PAK2: variants seen among roughly 807,000 people sequenced by gnomAD.
PAK2 encodes the protein serine/threonine-protein kinase PAK 2.
PAK2 carries 21 observed loss-of-function variants against 65.9 expected under a neutral mutation model. The observed-to-expected ratio is 0.32, with a 90% confidence interval of 0.23 to 0.46. PAK2 has a LOEUF of 0.46. Among genes scored for constraint, PAK2 ranks in the 20% least tolerant of loss-of-function variants. PAK2 has a pLI of 1.00. For synonymous variants in PAK2, 204 were observed against 219.7 expected, an observed-to-expected ratio of 0.93 and a Z score of 0.63; for missense variants, 324 against 642.6, an observed-to-expected ratio of 0.50 and a Z score of 5.36.
chr3:196,796,007 C>T (rs937801833), intron 2 of PAK2, among the ~76,000 whole-genome samples: 1 of 152,238 alleles, frequency 6.6e-6, no homozygotes, highest in African/African-American at 2.4e-5. Context: ...AAGCGCACAA[C>T]CTGGATCCCT....
chr3:196,745,004 C>A (rs1410002639), intron 1 of PAK2, among the ~76,000 whole-genome samples: 2 of 151,890 alleles, frequency 1.3e-5, no homozygotes, highest in Non-Finnish European at 2.9e-5. Flanking sequence ...AAGCTCTTCA[C>A]ATGTAATAGA....
In PAK2 at chr3:196,806,047, G is replaced by T. The variant is rs961175223; in HGVS notation, c.469-532G>T. On this transcript the variant is annotated intron_variant, in intron 5 of 14. Transcript: ENST00000327134. ...CTGCCTCAGCCTCCCGAGTAGCTGG[G>T]ACTACAGGCGCCTGCCACCACGACC... Among the ~76,000 whole-genome samples, 10 of 152,034 alleles carry T rather than the reference G, an allele frequency of 6.6e-5. 1 individual carries two copies. In the South Asian group the frequency reaches 2.1e-3, roughly 32 times the overall value.
intron 12 of PAK2, among the ~76,000 whole-genome samples, chr3:196,818,388 ATGTCT>A (rs905054814): frequency 2.0e-5 from 3 of 152,176 alleles, no homozygotes; most frequent in South Asian, 2.1e-4. Context: ...TTATTAGGTA[ATGTCT>A]TGTCTTGTCT....
intron 8 of PAK2, among the ~76,000 whole-genome samples, chr3:196,811,214 TCCCTCCCTCCCTTC>T (rs1560113551): frequency 7.4e-5 from 2 of 27,000 alleles, no homozygotes; most frequent in African/African-American, 2.2e-4. Context: ...TTCCTTCCCT[TCCCTCCCTCCCTTC>T]CCTTCCCTTC....
intron 2 of PAK2, among the ~76,000 whole-genome samples, chr3:196,795,863 G>A (rs866260074): frequency 6.6e-6 from 1 of 152,216 alleles, no homozygotes; most frequent in Non-Finnish European, 1.5e-5. Flanking sequence ...TGGCACCTCC[G>A]TGGTTCTGGA....
intron 6 of PAK2, among the ~76,000 whole-genome samples, chr3:196,807,369 A>G (rs1025815192): frequency 2.6e-5 from 4 of 152,174 alleles, no homozygotes; most frequent in Admixed American, 1.3e-4. Context: ...GGTGGTAGGC[A>G]TTATAATTGT....
chr3:196,790,808 AAC>A lies in PAK2; in HGVS notation c.187+7980_187+7981del, dbSNP rs1207654491. ...AGATTAATTGACAAAGGCTTGAGTC[AAC>A]ACACCTGTGGGTAATTCACCTGGTC... On this transcript the variant is annotated intron_variant, in intron 2 of 14. Transcript: ENST00000327134. 2.0e-5 allele frequency among the ~76,000 whole-genome samples: 3 copies of A among 152,306 alleles called. No individual in the cohort carries two copies. The East Asian group carries it at 5.8e-4, about 29-fold the overall frequency.
rs1715062559 is a variant in PAK2, at chr3:196,791,343, GATTTT to G, written c.187+8513_187+8517del. 6.6e-6 allele frequency among the ~76,000 whole-genome samples: 1 copy of G among 152,010 alleles called. No individual in the cohort carries two copies. The highest frequency in any genetic ancestry group is 2.4e-5 in the African/African-American group (1 of 41,384). ...CAAATGGCATTGAACAGATTTTTAG[GATTTT>G]ATGTTTATTTTGAATGATCTAATGT... On this transcript the variant is annotated intron_variant, in intron 2 of 14. Coordinates refer to ENST00000327134, the MANE Select transcript of PAK2 (RefSeq NM_002577.4). This position sits in a 1 kb window ranked among gnomAD's most constrained non-coding sequence, Gnocchi z 4.0.
chr3:196,803,921 C>G (rs1357332242), intron 4 of PAK2, among the ~76,000 whole-genome samples: 1 of 152,166 alleles, frequency 6.6e-6, no homozygotes, highest in Non-Finnish European at 1.5e-5. Context: ...AAATAAAGAT[C>G]AGAATAAAGT....
intron 1 of PAK2, among the ~76,000 whole-genome samples, chr3:196,757,669 TA>T (rs2108716580): frequency 6.6e-6 from 1 of 152,318 alleles, no homozygotes; most frequent in South Asian, 2.1e-4. Context: ...CCACTCAGCC[TA>T]GTTTTATTTC....
chr3:196,801,757 C>T (rs1467388414), intron 2 of PAK2, among the ~76,000 whole-genome samples, 170 bp from the exon 3 acceptor site: 2 of 152,120 alleles, frequency 1.3e-5, no homozygotes, highest in South Asian at 2.1e-4. Context: ...GGCTTGAACC[C>T]GGGAAGCAGA....
intron 10 of PAK2, among the ~76,000 whole-genome samples, chr3:196,813,102 G>A (rs55934670): frequency 0.011 from 1,603 of 152,174 alleles, 31 homozygotes; most frequent in African/African-American, 0.037. Flanking sequence ...CATCGCAAAC[G>A]ACCTGAAGCG....
chr3:196,789,106 G>A (rs1012440495), intron 2 of PAK2, among the ~76,000 whole-genome samples: 3 of 152,226 alleles, frequency 2.0e-5, no homozygotes, highest in Non-Finnish European at 2.9e-5. Context: ...CGAAGTGTGA[G>A]AGTGAAGTTG....
intron 1 of PAK2, among the ~76,000 whole-genome samples, chr3:196,755,058 A>G (rs572504685): frequency 2.0e-5 from 3 of 152,308 alleles, no homozygotes; most frequent in Middle Eastern, 3.4e-3. Context: ...AGTTGACCTT[A>G]AAGCTAATTG....
intron 1 of PAK2, among the ~76,000 whole-genome samples, chr3:196,778,764 A>C (rs1200954550): frequency 1.3e-5 from 2 of 152,004 alleles, no homozygotes; most frequent in Non-Finnish European, 2.9e-5. Context: ...ACAGTTTCTC[A>C]GTCTTGTTTT....
intron 1 of PAK2, among the ~76,000 whole-genome samples, chr3:196,747,801 T>C (rs893851527): frequency 7.2e-5 from 11 of 152,176 alleles, no homozygotes; most frequent in African/African-American, 2.7e-4. Flanking sequence ...ATAATTCTTA[T>C]TAATGTAAAA....
At chr3:196,787,287 G>C (rs563020567) in intron 2 of PAK2, among the ~76,000 whole-genome samples, 1 of 152,028 alleles carries the variant, frequency 6.6e-6, no homozygotes, top group South Asian at 2.1e-4. Context: ...GATTAGAATT[G>C]TATAGACTTT....
chr3:196,792,130 T>C (rs1346486962), intron 2 of PAK2, among the ~76,000 whole-genome samples: 1 of 152,064 alleles, frequency 6.6e-6, no homozygotes, highest in Non-Finnish European at 1.5e-5. Flanking sequence ...ACCATAGTCG[T>C]GTAAGAAAAT....
intron 1 of PAK2, among the ~76,000 whole-genome samples, chr3:196,772,990 A>G (rs1048836262): frequency 6.6e-6 from 1 of 152,214 alleles, no homozygotes; most frequent in Non-Finnish European, 1.5e-5. Flanking sequence ...AGCAGATAAT[A>G]GTAAGTTTAG....
Sources: allele counts gnomAD v4.1 joint callset (sites outside exome capture counted in the v4.1 genomes callset), GRCh38; gene constraint gnomAD v4.1.1; non-coding constraint Gnocchi (gnomAD v3.1); transcripts MANE v1.5; gene names NCBI Gene and HGNC (gene_info 2026-07-23, HGNC 2026-07-21).